Variants in RPS6KA2 observed in about 807,000 individuals in gnomAD.
The protein encoded by RPS6KA2 is ribosomal protein S6 kinase A2.
Under a neutral mutation model 91.8 loss-of-function variants are expected in RPS6KA2, and 42 were observed. That is an observed-to-expected ratio of 0.46 (90% CI 0.36 to 0.59). RPS6KA2 has a LOEUF of 0.59. Ranked by LOEUF, RPS6KA2 falls within the 20% of genes least tolerant of loss-of-function variation. The probability of loss-of-function intolerance (pLI) is 0.00; values close to 1 mark genes in which losing one functional copy is unlikely to be tolerated. For missense variants in RPS6KA2, 798 were observed against 978.5 expected (o/e 0.82, Z 2.46); for synonymous variants, 414 against 393.6 (o/e 1.05, Z -0.61).
At chr6:166,625,431 A>C (rs1786837124) in intron 1 of RPS6KA2, among the ~76,000 whole-genome samples, 1 of 150,000 alleles carries the variant, frequency 6.7e-6, no homozygotes, top group African/African-American at 2.5e-5. Context: ...GTGTGTATCC[A>C]GAATCAGGCA....
At chr6:166,701,052 T>G in intron 2 of RPS6KA2, 1 of 1,401,982 alleles carries the variant, frequency 7.1e-7, no homozygotes, top group Non-Finnish European at 1.0e-6. Context: ...CAATCTGTCT[T>G]TGGTTTGGCA....
At chr6:166,777,490 C>T (rs1778654769) in intron 2 of RPS6KA2, among the ~76,000 whole-genome samples, 1 of 152,092 alleles carries the variant, frequency 6.6e-6, no homozygotes, top group Non-Finnish European at 1.5e-5. Flanking sequence ...ACCCAGGCAG[C>T]GCCACTCTGC....
At chr6:166,619,361 C>T (rs1298934269) in intron 1 of RPS6KA2, among the ~76,000 whole-genome samples, 3 of 152,246 alleles carry the variant, frequency 2.0e-5, no homozygotes, top group Non-Finnish European at 4.4e-5. Context: ...AAAATAAATG[C>T]TCTTTTGAAA....
chr6:166,642,259 G>A lies in RPS6KA2; in HGVS notation c.124-103475C>T, dbSNP rs1287830694. ...GAGAGTGGAATAATATATGCGATGTGCTAAGAGAAAATAACTTTAACCTTG... is the reference window on the plus strand; with the variant it reads ...GAGAGTGGAATAATATATGCGATGTACTAAGAGAAAATAACTTTAACCTTG... On this transcript the variant is annotated intron_variant, in intron 2 of 21. Transcript: ENST00000503859. Among the ~76,000 whole-genome samples, 3 of 152,226 alleles carry A rather than the reference G, an allele frequency of 2.0e-5. No individual in the cohort carries two copies. The East Asian group carries it at 5.8e-4, about 29-fold the overall frequency.
Position 166,648,113 on chromosome 6 carries a change from C to G in RPS6KA2, c.124-109329G>C, listed in dbSNP as rs1408680306. Among the ~76,000 whole-genome samples the G allele has an allele frequency of 6.6e-6, 1 of 151,052 alleles. No individual in the cohort carries two copies. The highest frequency in any genetic ancestry group is 2.1e-4 in the South Asian group (1 of 4,774). ...ACACACGCTCATACACACACGTGCA[C>G]ACACACGCTCATACACATACATGCA... On this transcript the variant is annotated intron_variant, in intron 2 of 21. Transcript: ENST00000503859. This position sits in a 1 kb window ranked among gnomAD's most constrained non-coding sequence, Gnocchi z 4.8.
chr6:166,671,194 T>G (rs1018792744), intron 2 of RPS6KA2, among the ~76,000 whole-genome samples: 3 of 152,186 alleles, frequency 2.0e-5, no homozygotes, highest in African/African-American at 7.2e-5. Flanking sequence ...TTCAGACAAG[T>G]AGAATGATAC....
At chr6:166,750,993 G>A (rs1371329209) in intron 2 of RPS6KA2, among the ~76,000 whole-genome samples, 1 of 152,172 alleles carries the variant, frequency 6.6e-6, no homozygotes, top group East Asian at 1.9e-4. Context: ...TGACACTCTA[G>A]AAAGTGTGAA....
rs1790595067 is a variant in RPS6KA2 at position 166,733,623 on chromosome 6, G to C, written c.123+124577C>G. Among the ~76,000 whole-genome samples the C allele has an allele frequency of 6.6e-6, 1 of 152,052 alleles. No homozygotes were observed. On this transcript the variant is annotated intron_variant, in intron 2 of 21. Coordinates refer to the RPS6KA2 transcript ENST00000503859. This position sits in a 1 kb window ranked among gnomAD's most constrained non-coding sequence, Gnocchi z 4.1. Reference sequence around the variant, plus strand: ...TGGAAGCCAGTGCCAGTCTCTTTAGGAAAAAGGTTTGGTAACACGGAGGTC... The same window carrying C: ...TGGAAGCCAGTGCCAGTCTCTTTAGCAAAAAGGTTTGGTAACACGGAGGTC...
At chr6:166,848,224 C>T (rs1308911476) in intron 2 of RPS6KA2, among the ~76,000 whole-genome samples, 1 of 152,100 alleles carries the variant, frequency 6.6e-6, no homozygotes, top group Non-Finnish European at 1.5e-5. Flanking sequence ...CTCACTCCTG[C>T]AATAATGCCC....
At chr6:166,552,827 GCT>G (rs1784061176) in intron 1 of RPS6KA2, among the ~76,000 whole-genome samples, 1 of 152,228 alleles carries the variant, frequency 6.6e-6, no homozygotes, top group African/African-American at 2.4e-5. Flanking sequence ...AAAACGACCA[GCT>G]CTTTTTCAGT....
intron 14 of RPS6KA2, 49 bp from the exon 15 acceptor site, chr6:166,432,539 G>A (rs541658755): frequency 6.1e-5 from 73 of 1,197,198 alleles, no homozygotes; most frequent in Admixed American, 9.0e-5. Flanking sequence ...TTAGGCTTTC[G>A]GGTGGTATCT....
chr6:166,747,802 G>A (rs1022879095), intron 2 of RPS6KA2, among the ~76,000 whole-genome samples: 3 of 152,206 alleles, frequency 2.0e-5, no homozygotes, highest in African/African-American at 7.2e-5. Context: ...CGCCTAGCTG[G>A]GGTGCTTCCT....
intron 12 of RPS6KA2, among the ~76,000 whole-genome samples, chr6:166,457,884 A>C (rs1780154705): frequency 6.6e-6 from 1 of 152,220 alleles, no homozygotes; most frequent in African/African-American, 2.4e-5. Context: ...TTTCCCGATT[A>C]TCTTTTAAAA....
intron 1 of RPS6KA2, among the ~76,000 whole-genome samples, chr6:166,571,951 G>A (rs1361276857): frequency 1.3e-5 from 2 of 152,068 alleles, no homozygotes; most frequent in African/African-American, 4.8e-5. Flanking sequence ...GAAGAACAGT[G>A]GGGGGAATAA....
chr6:166,674,930 A>G (rs1403008250), intron 2 of RPS6KA2, among the ~76,000 whole-genome samples: 1 of 152,174 alleles, frequency 6.6e-6, no homozygotes, highest in Non-Finnish European at 1.5e-5. Flanking sequence ...GGGCCTCCCA[A>G]AGTGCTGGGA....
chr6:166,854,473 C>G (rs965933480), intron 2 of RPS6KA2, among the ~76,000 whole-genome samples: 12 of 112,820 alleles, frequency 1.1e-4, no homozygotes, highest in African/African-American at 2.5e-4. Flanking sequence ...CCAGGGCAAG[C>G]CTCGCTCACC....
In RPS6KA2 at chr6:166,627,068, C is replaced by T. The variant is rs778844708; in HGVS notation, c.-49G>A. On this transcript the variant is annotated 5_prime_UTR_variant, in exon 1 of 21. Coordinates refer to ENST00000265678, the MANE Select transcript of RPS6KA2 (RefSeq NM_021135.6). Reference sequence around the variant, plus strand: ...GCCGCAGGGCCGGGGGACGCGCATCCCCGGCATCCCAGGCGCGGGGCTCAG... The same window carrying T: ...GCCGCAGGGCCGGGGGACGCGCATCTCCGGCATCCCAGGCGCGGGGCTCAG... The T allele has an allele frequency of 8.3e-6, 11 of 1,319,528 alleles. No homozygotes were observed. Among genetic ancestry groups the T allele is most frequent in the African/African-American group, 1.5e-5 (1 of 65,610 alleles). The allele number at this position is 1,319,528 out of a possible 1,614,324, so 81.7% of individuals were successfully genotyped here. A position where few individuals can be genotyped will look rare whatever the true frequency, so the allele number is the denominator to read the frequency against.
At chr6:166,527,160 G>A (rs569559125) in intron 3 of RPS6KA2, among the ~76,000 whole-genome samples, 2 of 152,192 alleles carry the variant, frequency 1.3e-5, no homozygotes, top group African/African-American at 4.8e-5. Flanking sequence ...GCAGCTTCCC[G>A]CTCCTCCATT....
chr6:166,794,695 G>A (rs952906763), intron 2 of RPS6KA2, among the ~76,000 whole-genome samples: 47 of 151,660 alleles, frequency 3.1e-4, no homozygotes, highest in African/African-American at 1.1e-3. Context: ...ATGAGTTCAT[G>A]TCCTTTGTAG....
Sources: gnomAD v4.1 joint callset for allele counts (sites outside exome capture counted in the v4.1 genomes callset) on GRCh38, gnomAD v4.1.1 for gene constraint, Gnocchi (gnomAD v3.1) non-coding constraint, MANE v1.5 for transcripts, NCBI Gene and HGNC (gene_info 2026-07-23, HGNC 2026-07-21) for gene names.